Variants in PPP2R2B observed in about 807,000 individuals in gnomAD.
PPP2R2B encodes the protein serine/threonine-protein phosphatase 2A 55 kDa regulatory subunit B beta isoform.
Under a neutral mutation model 46.0 loss-of-function variants are expected in PPP2R2B, and 5 were observed. That is an observed-to-expected ratio of 0.11 (90% CI 0.06 to 0.23). The LOEUF is 0.23. Among genes scored for constraint, PPP2R2B ranks in the 10% least tolerant of loss-of-function variants. The probability of loss-of-function intolerance (pLI) is 1.00; values close to 1 mark genes in which losing one functional copy is unlikely to be tolerated. For missense variants in PPP2R2B, 367 were observed against 575.0 expected, an observed-to-expected ratio of 0.64 and a Z score of 3.70; for synonymous variants, 215 against 206.7, an observed-to-expected ratio of 1.04 and a Z score of -0.34.
At chr5:146,954,003 TTGGTATC>T (rs1751754403) in intron 1 of PPP2R2B, among the ~76,000 whole-genome samples, 1 of 152,176 alleles carries the variant, frequency 6.6e-6, no homozygotes, top group Non-Finnish European at 1.5e-5. Context: ...TATCTACCAA[TTGGTATC>T]TGTGAGGTAG....
intron 2 of PPP2R2B, among the ~76,000 whole-genome samples, chr5:146,793,173 C>A (rs1349139757): frequency 6.6e-6 from 1 of 152,106 alleles, no homozygotes; most frequent in Non-Finnish European, 1.5e-5. Flanking sequence ...AGAATGACTG[C>A]AAGGTTTTTG....
In PPP2R2B at chr5:146,903,811, A is replaced by G. The variant is rs371955775; in HGVS notation, c.79+151854T>C. Among the ~76,000 whole-genome samples the G allele has an allele frequency of 3.1e-3, 469 of 152,332 alleles. 1 individual carries two copies. Among genetic ancestry groups the G allele is most frequent in the African/African-American group, 0.011 (461 of 41,590 alleles). Reference sequence around the variant, plus strand: ...TTGACCCCAGGAAAGTTAAAGTTGTATCAGAATACTCAGTTTTCTCTACAG... The same window carrying G: ...TTGACCCCAGGAAAGTTAAAGTTGTGTCAGAATACTCAGTTTTCTCTACAG... On this transcript the variant is annotated intron_variant, in intron 1 of 8. Coordinates refer to the PPP2R2B transcript ENST00000336640.
At chr5:146,739,453 G>C (rs763402002) in intron 2 of PPP2R2B, among the ~76,000 whole-genome samples, 2 of 152,144 alleles carry the variant, frequency 1.3e-5, no homozygotes, top group African/African-American at 4.8e-5. Context: ...GAATGCCAGG[G>C]GTGGGGGACA....
chr5:146,701,713 C>G (rs1202167554), intron 2 of PPP2R2B, among the ~76,000 whole-genome samples: 1 of 152,084 alleles, frequency 6.6e-6, no homozygotes, highest in African/African-American at 2.4e-5. Context: ...TTTTTGTGAG[C>G]CCAACACATC....
At chr5:146,624,837 T>C (rs1773938920) in intron 7 of PPP2R2B, among the ~76,000 whole-genome samples, 3 of 152,198 alleles carry the variant, frequency 2.0e-5, no homozygotes, top group African/African-American at 2.4e-5. Context: ...TTCCTCCTTA[T>C]GGTACTGTAC....
chr5:146,825,159 C>A (rs1258122291), intron 2 of PPP2R2B, among the ~76,000 whole-genome samples: 2 of 152,188 alleles, frequency 1.3e-5, no homozygotes, highest in Non-Finnish European at 2.9e-5. Context: ...CCCTGGGTTT[C>A]ACAGAGCCGA....
intron 1 of PPP2R2B, among the ~76,000 whole-genome samples, chr5:147,029,360 T>C (rs1755673576): frequency 6.6e-6 from 1 of 152,184 alleles, no homozygotes; most frequent in East Asian, 1.9e-4. Context: ...CCCAAATAAT[T>C]TCAAATTTTC....
chr5:146,672,337 G>T (rs1017171361), intron 5 of PPP2R2B, among the ~76,000 whole-genome samples: 5 of 152,098 alleles, frequency 3.3e-5, no homozygotes, highest in Non-Finnish European at 7.4e-5. Context: ...AGCTGTTTGG[G>T]GTACAGGAAA....
intron 1 of PPP2R2B, among the ~76,000 whole-genome samples, chr5:146,970,463 G>A (rs1752616111): frequency 6.6e-6 from 1 of 152,118 alleles, no homozygotes; most frequent in African/African-American, 2.4e-5. Context: ...ATGCGTGGTG[G>A]CGGGCTTCTG....
chr5:146,931,637 T>G (rs1334249269), intron 1 of PPP2R2B, among the ~76,000 whole-genome samples: 2 of 152,152 alleles, frequency 1.3e-5, no homozygotes, highest in Non-Finnish European at 2.9e-5. Flanking sequence ...AAAATTGAAG[T>G]CACTTTTAGC....
chr5:146,895,697 T>C (rs2151431385), intron 1 of PPP2R2B, among the ~76,000 whole-genome samples: 1 of 152,330 alleles, frequency 6.6e-6, no homozygotes, highest in East Asian at 1.9e-4. Context: ...TTCCTACAAA[T>C]TTAGTAATAT....
chr5:146,973,330 A>G (rs1230879245), intron 1 of PPP2R2B, among the ~76,000 whole-genome samples: 2 of 152,262 alleles, frequency 1.3e-5, no homozygotes, highest in Non-Finnish European at 2.9e-5. Context: ...AGATAAAGCA[A>G]AACAACATAA....
At chr5:146,680,213 C>A (rs1284839344) in intron 5 of PPP2R2B, among the ~76,000 whole-genome samples, 1 of 147,578 alleles carries the variant, frequency 6.8e-6, no homozygotes, top group East Asian at 2.0e-4. Context: ...TACTATGCAG[C>A]CATAAAAAAT....
At chr5:146,599,500 C>G (rs1771564904) in intron 8 of PPP2R2B, among the ~76,000 whole-genome samples, 1 of 152,188 alleles carries the variant, frequency 6.6e-6, no homozygotes, top group Non-Finnish European at 1.5e-5. Flanking sequence ...AGTCCACAGG[C>G]AAAACAGCCT....
Position 147,075,059 on chromosome 5 carries a change from A to T in PPP2R2B, c.50+6000T>A, listed in dbSNP as rs143898263. Among the ~76,000 whole-genome samples, 12 of 152,350 alleles carry T rather than the reference A, an allele frequency of 7.9e-5. No homozygotes were observed. In the East Asian group the frequency reaches 2.1e-3, roughly 27 times the overall value. On this transcript the variant is annotated intron_variant, in intron 2 of 10. Transcript: ENST00000394413. ...AAAATGGTTATATGCTGTAGCTGGG[A>T]TAAAAACAGAAACTGCACCAGATAA...
In PPP2R2B at chr5:146,709,051, C is replaced by A. The variant is rs564912374; in HGVS notation, c.71-7909G>T. 2.0e-5 allele frequency among the ~76,000 whole-genome samples: 3 copies of A among 152,286 alleles called. No homozygotes were observed. In the East Asian group the frequency reaches 5.8e-4, roughly 29 times the overall value. ...TATCCTTGACCTACTGTGTGTAATACGTTCTGTTTGATCCAGAATTGTTTC... is the reference window on the plus strand; with the variant it reads ...TATCCTTGACCTACTGTGTGTAATAAGTTCTGTTTGATCCAGAATTGTTTC... On this transcript the variant is annotated intron_variant, in intron 2 of 9. Coordinates refer to ENST00000394411, the MANE Select transcript of PPP2R2B (RefSeq NM_181675.4).
intron 2 of PPP2R2B, among the ~76,000 whole-genome samples, chr5:147,063,419 G>C (rs1757327541): frequency 6.6e-6 from 1 of 152,184 alleles, no homozygotes. Context: ...GCAGATTTCA[G>C]TTGCTGTATT....
intron 2 of PPP2R2B, among the ~76,000 whole-genome samples, chr5:146,794,990 G>A (rs1201071658): frequency 6.6e-6 from 1 of 152,052 alleles, no homozygotes; most frequent in Non-Finnish European, 1.5e-5. Flanking sequence ...ATGAAAATAT[G>A]GGGGCAAAGG....
At chr5:146,784,071 A>AT (rs1491182896) in intron 2 of PPP2R2B, among the ~76,000 whole-genome samples, 2 of 152,192 alleles carry the variant, frequency 1.3e-5, no homozygotes, top group Admixed American at 6.5e-5. Context: ...ATCTTATGCA[A>AT]TAAAAAGAAC....
Sources: gnomAD v4.1 joint callset for allele counts (sites outside exome capture counted in the v4.1 genomes callset) on GRCh38, gnomAD v4.1.1 for gene constraint, MANE v1.5 for transcripts, NCBI Gene and HGNC (gene_info 2026-07-23, HGNC 2026-07-21) for gene names.